DCLK1: variants seen among roughly 807,000 people sequenced by gnomAD.
DCLK1 encodes the protein doublecortin like kinase 1, also known as serine/threonine-protein kinase DCLK1.
In DCLK1, 16 loss-of-function variants were observed where a neutral mutation model predicts 86.2. The ratio of observed to expected loss-of-function variants is 0.19; its 90% CI spans 0.13 to 0.28. The LOEUF (loss-of-function observed/expected upper bound fraction) is 0.28. Ranked by LOEUF, DCLK1 falls within the 10% of genes least tolerant of loss-of-function variation. The probability of loss-of-function intolerance (pLI) is 1.00; values close to 1 mark genes in which losing one functional copy is unlikely to be tolerated. For missense variants in DCLK1, 590 were observed against 940.2 expected, an observed-to-expected ratio of 0.63 and a Z score of 4.87; for synonymous variants, 369 against 370.5, an observed-to-expected ratio of 1.00 and a Z score of 0.05.
intron 1 of DCLK1, among the ~76,000 whole-genome samples, chr13:36,127,585 T>A (rs1886232022): frequency 6.6e-6 from 1 of 152,258 alleles, no homozygotes; most frequent in African/African-American, 2.4e-5. Flanking sequence ...CACATGAAGT[T>A]CTTATCATAG....
intron 3 of DCLK1, among the ~76,000 whole-genome samples, chr13:35,995,556 T>C (rs1032519259): frequency 3.3e-5 from 5 of 152,230 alleles, no homozygotes; most frequent in African/African-American, 1.2e-4. Flanking sequence ...AATTCAAATG[T>C]TGAGGAACAA....
chr13:35,935,316 G>T (rs1876695234), intron 4 of DCLK1, among the ~76,000 whole-genome samples: 1 of 152,128 alleles, frequency 6.6e-6, no homozygotes, highest in Non-Finnish European at 1.5e-5. Flanking sequence ...AATTCAGGAG[G>T]ATTAATCGGG....
intron 3 of DCLK1, among the ~76,000 whole-genome samples, chr13:36,083,521 A>C (rs1331770302): frequency 6.6e-6 from 1 of 152,198 alleles, no homozygotes; most frequent in Non-Finnish European, 1.5e-5. Flanking sequence ...GTGCCCATAC[A>C]ATCATCAAAA....
intron 4 of DCLK1, among the ~76,000 whole-genome samples, chr13:35,893,062 G>A (rs776794652): frequency 2.6e-5 from 4 of 152,190 alleles, no homozygotes; most frequent in East Asian, 1.9e-4. Flanking sequence ...ATAGTCAGTG[G>A]TGCCTGGACA....
At chr13:36,029,006 A>G (rs9546196) in intron 3 of DCLK1, among the ~76,000 whole-genome samples, 7,174 of 152,248 alleles carry the variant, frequency 0.047, 172 homozygotes, top group Middle Eastern at 0.092. Flanking sequence ...ATCCAGAAAT[A>G]ACCATAAAAA....
intron 13 of DCLK1, among the ~76,000 whole-genome samples, 190 bp downstream of exon 13, chr13:35,808,828 A>G (rs2087085211): frequency 6.6e-6 from 1 of 152,094 alleles, no homozygotes; most frequent in Non-Finnish European, 1.5e-5. Flanking sequence ...TTTTAATGAT[A>G]TGGGGAAGAA....
At chr13:35,951,727 G>C (rs554357291) in intron 3 of DCLK1, among the ~76,000 whole-genome samples, 2 of 152,096 alleles carry the variant, frequency 1.3e-5, no homozygotes, top group East Asian at 3.9e-4. Flanking sequence ...ATTCAGCCGA[G>C]AGTGACTTAC....
chr13:35,958,136 A>AATC lies in DCLK1; in HGVS notation c.724-10680_724-10679insGAT, dbSNP rs1277199115. On this transcript the variant is annotated intron_variant, in intron 3 of 16. Coordinates refer to ENST00000360631, the MANE Select transcript of DCLK1 (RefSeq NM_001330071.2). ...TCACCACCACCACTACCACTACTAT[A>AATC]ACCACCACCACCACCACTATAACCA... Among the ~76,000 whole-genome samples, 26 of 11,278 alleles carry AATC rather than the reference A, an allele frequency of 2.3e-3. 1 individual carries two copies. The highest frequency in any genetic ancestry group is 0.012 in the African/African-American group (26 of 2,222). The allele number at this position is 11,278 out of a possible 152,430, so 7.4% of individuals were successfully genotyped here. A position where few individuals can be genotyped will look rare whatever the true frequency, so the allele number is the denominator to read the frequency against.
chr13:36,095,189 TTTTTTGTTTTG>T (rs1442543178), intron 3 of DCLK1, among the ~76,000 whole-genome samples: 17 of 151,770 alleles, frequency 1.1e-4, no homozygotes, highest in African/African-American at 3.6e-4. Flanking sequence ...TTTTTTTGTT[TTTTTTGTTTTG>T]TTTTGTTTTG....
At position 35,972,009 on chromosome 13, in the gene DCLK1, C is replaced by T. The variant is rs900374976; in HGVS notation, c.724-24552G>A. ...CTTCCAATTCTTCATTAACTGCACT[C>T]CCAGGAGCTTCTCCTTTTCCAACTG... On this transcript the variant is annotated intron_variant, in intron 3 of 16. Coordinates refer to ENST00000360631, the MANE Select transcript of DCLK1 (RefSeq NM_001330071.2). 9.8e-5 allele frequency among the ~76,000 whole-genome samples: 15 copies of T among 152,296 alleles called. No homozygotes were observed. The South Asian group carries it at 2.9e-3, about 29-fold the overall frequency.
At chr13:35,837,796 T>C (rs1869494661) in intron 7 of DCLK1, among the ~76,000 whole-genome samples, 1 of 152,126 alleles carries the variant, frequency 6.6e-6, no homozygotes, top group African/African-American at 2.4e-5. Flanking sequence ...CTGGGTGTGG[T>C]GGCTCATGCC....
chr13:36,078,552 A>G (rs1480882680), intron 3 of DCLK1, among the ~76,000 whole-genome samples: 2 of 152,196 alleles, frequency 1.3e-5, no homozygotes, highest in Admixed American at 6.5e-5. Flanking sequence ...ATTATTATTT[A>G]AAGTGGTTTA....
chr13:35,888,733 C>A (rs1010681584), intron 4 of DCLK1, among the ~76,000 whole-genome samples: 1 of 152,214 alleles, frequency 6.6e-6, no homozygotes, highest in Non-Finnish European at 1.5e-5. Flanking sequence ...GGCCCTCAGC[C>A]ATCAAACAAA....
chr13:36,054,379 A>G (rs1487248107), intron 3 of DCLK1, among the ~76,000 whole-genome samples: 1 of 152,160 alleles, frequency 6.6e-6, no homozygotes, highest in African/African-American at 2.4e-5. Flanking sequence ...GGAGTTTTCT[A>G]TCTTTTGCCA....
At chr13:35,946,062 A>G (rs1205143394) in intron 4 of DCLK1, among the ~76,000 whole-genome samples, 6 of 152,182 alleles carry the variant, frequency 3.9e-5, no homozygotes, top group Non-Finnish European at 7.3e-5. Flanking sequence ...GCCCAGACCA[A>G]GTACAGTGGC....
chr13:35,785,445 C>T (rs896405137), intron 16 of DCLK1, among the ~76,000 whole-genome samples: 1 of 152,096 alleles, frequency 6.6e-6, no homozygotes, highest in African/African-American at 2.4e-5. Flanking sequence ...GCAGCGTCCT[C>T]CCTGGACTCT....
intron 3 of DCLK1, among the ~76,000 whole-genome samples, chr13:36,067,397 G>A: frequency 7.6e-6 from 1 of 131,844 alleles, no homozygotes; most frequent in Admixed American, 7.9e-5. Flanking sequence ...ATCACACCCT[G>A]GGGACTGTTG....
intron 3 of DCLK1, among the ~76,000 whole-genome samples, chr13:35,975,258 A>ACCTGTTCTGG (rs1879277354): frequency 6.6e-6 from 1 of 152,218 alleles, no homozygotes; most frequent in African/African-American, 2.4e-5. Context: ...TGGGCAGGAA[A>ACCTGTTCTGG]AAACACTTAT....
intron 3 of DCLK1, among the ~76,000 whole-genome samples, chr13:36,017,876 A>T (rs1324641797): frequency 6.6e-6 from 1 of 152,216 alleles, no homozygotes; most frequent in Non-Finnish European, 1.5e-5. Context: ...AAGGACTTCC[A>T]ACACTGACCT....
Sources: gnomAD v4.1 joint callset for allele counts (sites outside exome capture counted in the v4.1 genomes callset) on GRCh38, gnomAD v4.1.1 for gene constraint, MANE v1.5 for transcripts, NCBI Gene and HGNC (gene_info 2026-07-23, HGNC 2026-07-21) for gene names.